Variants in SLC12A1 observed in about 807,000 individuals in gnomAD.
SLC12A1 encodes solute carrier family 12 member 1.
In SLC12A1, 89 loss-of-function variants were observed where a neutral mutation model predicts 130.4. The observed-to-expected ratio is 0.68, with a 90% CI of 0.58 to 0.81. SLC12A1 has a LOEUF of 0.81. Among genes scored for constraint, SLC12A1 ranks in the 40% least tolerant of loss-of-function variants. SLC12A1 has a pLI of 0.00. For missense variants in SLC12A1, 1,310 were observed against 1,336.4 expected (o/e 0.98, Z 0.31); for synonymous variants, 499 against 460.0 (o/e 1.08, Z -1.09).
At chr15:48,273,100 C>CAAAAAA (rs58343718) in intron 19 of SLC12A1, among the ~76,000 whole-genome samples, 6 of 82,004 alleles carry the variant, frequency 7.3e-5, no homozygotes, top group South Asian at 4.1e-4. Flanking sequence ...GTCAGACTGT[C>CAAAAAA]AAAAAAAAAA....
intron 1 of SLC12A1, 32 bp from the exon 2 acceptor site, chr15:48,207,502 G>A (rs1248387517): frequency 7.7e-6 from 3 of 389,252 alleles, no homozygotes; most frequent in African/African-American, 6.2e-5. Flanking sequence ...TGTATTACTT[G>A]GAACAAGTTT....
intron 5 of SLC12A1, chr15:48,228,956 G>A: frequency 2.6e-6 from 1 of 378,196 alleles, no homozygotes; most frequent in Admixed American, 4.3e-5. Flanking sequence ...TTACATTTAT[G>A]TTTTAATAGA....
chr15:48,234,508 C>T (rs1372578490), intron 8 of SLC12A1, among the ~76,000 whole-genome samples: 2 of 152,044 alleles, frequency 1.3e-5, no homozygotes, highest in African/African-American at 2.4e-5. Context: ...TTTGGGAGGT[C>T]GAGGCAGGTG....
At chr15:48,220,141 A>AGAT (rs2041188309) in intron 2 of SLC12A1, among the ~76,000 whole-genome samples, 1 of 145,040 alleles carries the variant, frequency 6.9e-6, no homozygotes, top group South Asian at 2.2e-4. Flanking sequence ...GTAGATAGAT[A>AGAT]GATAGATAGA....
intron 15 of SLC12A1, among the ~76,000 whole-genome samples, chr15:48,254,615 AAAAAAAAAAAAAAAAC>A (rs2041683563): frequency 1.4e-5 from 2 of 146,274 alleles, no homozygotes; most frequent in Admixed American, 6.8e-5. Flanking sequence ...AAAAAAAAAA[AAAAAAAAAAAAAAAAC>A]CCAAAAAAGA....
intron 24 of SLC12A1, among the ~76,000 whole-genome samples, chr15:48,293,635 T>G (rs1311351429): frequency 1.3e-5 from 2 of 152,232 alleles, no homozygotes; most frequent in Non-Finnish European, 2.9e-5. Flanking sequence ...AATAACTAAC[T>G]GAAAATTATT....
intron 17 of SLC12A1, among the ~76,000 whole-genome samples, chr15:48,264,630 G>A (rs1051918364): frequency 1.3e-5 from 2 of 152,014 alleles, no homozygotes; most frequent in African/African-American, 4.8e-5. Flanking sequence ...AGCATGTATG[G>A]TAAGATAATA....
chr15:48,261,429 G>T (rs34158904), intron 17 of SLC12A1, among the ~76,000 whole-genome samples: 3,373 of 152,304 alleles, frequency 0.022, 128 homozygotes, highest in African/African-American at 0.077. Context: ...ATGTTGGGCT[G>T]CATTATACAT....
At chr15:48,243,266 A>G (rs1418521603) in intron 10 of SLC12A1, among the ~76,000 whole-genome samples, 1 of 152,102 alleles carries the variant, frequency 6.6e-6, no homozygotes, top group Non-Finnish European at 1.5e-5. Flanking sequence ...GACATCCATA[A>G]TTTCAAGCAT....
chr15:48,256,159 G>A (rs1456689878), intron 16 of SLC12A1, among the ~76,000 whole-genome samples: 1 of 152,182 alleles, frequency 6.6e-6, no homozygotes, highest in African/African-American at 2.4e-5. Context: ...CATGCGTGGA[G>A]ATAGCAAGGT....
In SLC12A1 at chr15:48,267,583, A is replaced by G; in HGVS notation, c.2177A>G (p.Lys726Arg). ...CAGGGACCGCGCAAACTGTGTGTTA[A>G]GGAGATGAACAGTGGCATGGCGAAA... ...VFVGPRKLCV[K>R]EMNSGMAKKQ... The change falls in exon 18 of 27, where the codon AAG becomes AGG. Residue 726 changes from lysine to arginine, a missense_variant. Transcript: ENST00000380993. 6.2e-7 allele frequency: 1 copy of G among 1,613,546 alleles called. No individual in the cohort carries two copies.
intron 17 of SLC12A1, among the ~76,000 whole-genome samples, chr15:48,259,803 C>G (rs992339020): frequency 1.3e-5 from 2 of 152,054 alleles, no homozygotes; most frequent in African/African-American, 4.8e-5. Flanking sequence ...GTTTTTCATG[C>G]CTTAGATAAA....
chr15:48,220,829 G>A, intron 3 of SLC12A1, 64 bp downstream of exon 3: 1 of 1,611,920 alleles, frequency 6.2e-7, no homozygotes, highest in Non-Finnish European at 8.5e-7. Context: ...GATTAAGAGT[G>A]AACAAGGCCT....
intron 17 of SLC12A1, among the ~76,000 whole-genome samples, chr15:48,260,348 TCA>T (rs10673427): frequency 0.18 from 25,269 of 144,236 alleles, 2,181 homozygotes; most frequent in African/African-American, 0.22. Flanking sequence ...TCTCTCTCTA[TCA>T]CACACACACA....
In SLC12A1 at chr15:48,302,841, C is replaced by A. The variant is rs770328592; in HGVS notation, c.3256C>A (p.Leu1086Ile). 3.0e-5 allele frequency: 48 copies of A among 1,612,498 alleles called. No individual in the cohort carries two copies. Among genetic ancestry groups the A allele is most frequent in the Non-Finnish European group, 4.1e-5 (48 of 1,178,794 alleles). The change falls in exon 27 of 27, where the codon CTA becomes ATA. Residue 1086 changes from leucine (L) to isoleucine (I), a missense_variant. By Grantham distance (5) the Leu-to-Ile change is conservative. Transcript: ENST00000380993. ...CACAAAGAACCTCCCACCTGTCTTA[C>A]TAGTTAGAGGAAATCACAAAAATGT... ...ILTKNLPPVL[L>I]VRGNHKNVLT...
intron 19 of SLC12A1, among the ~76,000 whole-genome samples, chr15:48,273,069 T>A (rs1484005589): frequency 2.8e-5 from 4 of 141,948 alleles, no homozygotes; most frequent in Middle Eastern, 3.5e-3. Flanking sequence ...CACACCACTG[T>A]GCTCCAGCCT....
At chr15:48,279,944 T>G (rs999723767) in intron 20 of SLC12A1, among the ~76,000 whole-genome samples, 20 of 152,140 alleles carry the variant, frequency 1.3e-4, no homozygotes, top group African/African-American at 4.6e-4. Flanking sequence ...GTACAGCACA[T>G]TGATTCATAT....
Position 48,244,843 on chromosome 15 carries a change from G to A in SLC12A1, c.1391G>A (p.Gly464Asp). ...AATGGTTCAGCAGCATGTGGGTTGG[G>A]CTATGACTTCTCAAGATGTCGACAT... Reference protein sequence around the residue: ...NCNGSAACGLGYDFSRCRHEP... With the variant: ...NCNGSAACGLDYDFSRCRHEP... Residue 464 changes from glycine (G) to aspartate (D), a missense_variant, in exon 11 of 27, where the codon GGC becomes GAC. By Grantham distance (94) the Gly-to-Asp change is moderately conservative. Coordinates refer to ENST00000380993, the MANE Select transcript of SLC12A1 (RefSeq NM_000338.3). The A allele has an allele frequency of 6.2e-7, 1 of 1,613,928 alleles. No individual in the cohort carries two copies. Among genetic ancestry groups the A allele is most frequent in the Non-Finnish European group, 8.5e-7 (1 of 1,179,858 alleles).
rs2041515842 is a variant in SLC12A1, at chr15:48,241,546, T to C, written c.1247T>C (p.Met416Thr). The change falls in exon 10 of 27, where the codon ATG becomes ACG. Residue 416 changes from methionine to threonine, a missense_variant. Met to Thr is a moderately conservative substitution (Grantham distance 81, BLOSUM62 -1). Coordinates refer to ENST00000380993, the MANE Select transcript of SLC12A1 (RefSeq NM_000338.3). ...DPQDAIPRGT[M>T]LAIFITTVAY... ...CAAGATGCCATCCCCAGAGGAACCA[T>C]GCTGGCCATTTTCATCACCACTGTT... 2.5e-6 allele frequency: 4 copies of C among 1,613,906 alleles called. No individual in the cohort carries two copies. The highest frequency in any genetic ancestry group is 3.3e-5 in the Admixed American group (2 of 60,026).
Sources: gnomAD v4.1 joint callset for allele counts (sites outside exome capture counted in the v4.1 genomes callset) on GRCh38, gnomAD v4.1.1 for gene constraint, MANE v1.5 for transcripts, NCBI Gene and HGNC (gene_info 2026-07-23, HGNC 2026-07-21) for gene names.